ADAMTS3: variants seen among roughly 807,000 people sequenced by gnomAD.
ADAMTS3 encodes A disintegrin and metalloproteinase with thrombospondin motifs 3.
ADAMTS3 carries 73 observed loss-of-function variants against 129.0 expected under a neutral mutation model. The ratio of observed to expected loss-of-function variants is 0.57; its 90% CI spans 0.47 to 0.69. The LOEUF (loss-of-function observed/expected upper bound fraction) is 0.69. Among genes scored for constraint, ADAMTS3 ranks in the 30% least tolerant of loss-of-function variants. The probability of loss-of-function intolerance (pLI) is 0.00; values close to 1 mark genes in which losing one functional copy is unlikely to be tolerated. For synonymous variants in ADAMTS3, 477 were observed against 510.8 expected (o/e 0.93, Z 0.89); for missense variants, 1,457 against 1,514.5 (o/e 0.96, Z 0.63).
In ADAMTS3 at chr4:72,531,062, G is replaced by C. The variant is rs552573325; in HGVS notation, c.504+17416C>G. Among the ~76,000 whole-genome samples the C allele has an allele frequency of 4.8e-3, 725 of 151,502 alleles. 1 individual carries two copies. Among genetic ancestry groups the C allele is most frequent in the Non-Finnish European group, 7.9e-3 (536 of 67,930 alleles). On this transcript the variant is annotated intron_variant, in intron 3 of 21. Transcript: ENST00000286657. ...CCAATGCAGCTTCTATGTGAAGAAG[G>C]GGGCAATAATTGGCCGAAAACACCA...
intron 21 of ADAMTS3, 45 bp from the exon 22 acceptor site, chr4:72,283,749 TAA>T (rs1176485508): frequency 6.9e-7 from 1 of 1,454,352 alleles, no homozygotes; most frequent in South Asian, 1.5e-5. Context: ...CATCTAAACA[TAA>T]AATAAAAGGA....
In ADAMTS3 at chr4:72,455,495, G is replaced by A. The variant is rs183084125; in HGVS notation, c.505-40524C>T. Among the ~76,000 whole-genome samples the A allele has an allele frequency of 6.9e-4, 104 of 151,178 alleles. 2 individuals carry two copies. The East Asian group carries it at 0.011, about 16-fold the overall frequency. ...ATTGGGGGTGGGGAACTATGGGAGC[G>A]ATAGCATTAGGAGAAATACCTAATG... On this transcript the variant is annotated intron_variant, in intron 3 of 21. Transcript: ENST00000286657.
At chr4:72,285,070 TAC>T (rs1718467724) in intron 21 of ADAMTS3, among the ~76,000 whole-genome samples, 7 of 152,196 alleles carry the variant, frequency 4.6e-5, no homozygotes, top group Admixed American at 3.9e-4. Context: ...GGTAATACTA[TAC>T]TGCTAAGAAA....
At chr4:72,289,698 G>T (rs1279181185) in intron 20 of ADAMTS3, among the ~76,000 whole-genome samples, 6 of 152,134 alleles carry the variant, frequency 3.9e-5, no homozygotes, top group Non-Finnish European at 7.4e-5. Flanking sequence ...TATGGGCATG[G>T]GTTAATGCTA....
chr4:72,290,940 T>C lies in ADAMTS3; in HGVS notation c.2846A>G (p.Tyr949Cys). The part of the protein sequence containing the change: ...DGTNRSVHSK[Y>C]CMGDRPESRR... ...GCTCTCGGGACGGTCACCCATGCAG[T>C]ATTTGCTGTGCACAGAGCGGTTGGT... is the stretch of plus-strand genomic sequence containing the variant. Residue 949 changes from tyrosine to cysteine, a missense_variant, in exon 20 of 22, where the codon TAC (tyrosine) becomes TGC (cysteine). Physicochemically the swap from Tyr to Cys is radical, Grantham distance 194. Coordinates refer to ENST00000286657, the MANE Select transcript of ADAMTS3 (RefSeq NM_014243.3). 6.2e-7 allele frequency: 1 copy of C among 1,614,048 alleles called. No homozygotes were observed. Among genetic ancestry groups the C allele is most frequent in the Non-Finnish European group, 8.5e-7 (1 of 1,179,978 alleles).
At chr4:72,369,078 G>A (rs61695748) in intron 4 of ADAMTS3, among the ~76,000 whole-genome samples, 3,753 of 152,252 alleles carry the variant, frequency 0.025, 157 homozygotes, top group African/African-American at 0.086. Flanking sequence ...CACACAGATT[G>A]CAAAGAATAG....
chr4:72,346,703 T>C (rs2109839334), intron 4 of ADAMTS3, among the ~76,000 whole-genome samples: 1 of 152,208 alleles, frequency 6.6e-6, no homozygotes, highest in East Asian at 1.9e-4. Flanking sequence ...GAGACATATT[T>C]AATACTAAAA....
At position 72,466,399 on chromosome 4, in the gene ADAMTS3, C is replaced by T. The variant is rs559656766; in HGVS notation, c.505-51428G>A. Among the ~76,000 whole-genome samples, 6 of 152,160 alleles carry T rather than the reference C, an allele frequency of 3.9e-5. No homozygotes were observed. In the South Asian group the frequency reaches 8.3e-4, roughly 21 times the overall value. ...ATAGTTCTGAGCAGAAAATGACAAT[C>T]TAACTGCTGTTTGGAGAAAAGACAC... On this transcript the variant is annotated intron_variant, in intron 3 of 21. Transcript: ENST00000286657.
At chr4:72,525,901 T>C (rs1160082982) in intron 3 of ADAMTS3, among the ~76,000 whole-genome samples, 1 of 152,150 alleles carries the variant, frequency 6.6e-6, no homozygotes, top group African/African-American at 2.4e-5. Context: ...AGGGTTATGA[T>C]CCTCTTAAAT....
chr4:72,318,656 T>G lies in ADAMTS3; in HGVS notation c.1401A>C (p.Lys467Asn). 6.2e-7 allele frequency: 1 copy of G among 1,613,590 alleles called. No individual in the cohort carries two copies. The highest frequency in any genetic ancestry group is 1.3e-5 in the African/African-American group (1 of 74,972). Residue 467 changes from lysine (K) to asparagine (N), a missense_variant, in exon 10 of 22, where the codon AAA becomes AAC. By Grantham distance (94) the Lys-to-Asn change is moderately conservative. Coordinates refer to ENST00000286657, the MANE Select transcript of ADAMTS3 (RefSeq NM_014243.3). ...LDDPFDHDWP[K>N]LPELPGINYS... Reference sequence around the variant, plus strand: ...AATTGATTCCAGGAAGTTCTGGGAGTTTAGGCCAATCATGATCAAAAGGGT... The same window carrying G: ...AATTGATTCCAGGAAGTTCTGGGAGGTTAGGCCAATCATGATCAAAAGGGT...
intron 3 of ADAMTS3, among the ~76,000 whole-genome samples, chr4:72,486,240 C>T (rs975464872): frequency 6.6e-6 from 1 of 152,144 alleles, no homozygotes; most frequent in Non-Finnish European, 1.5e-5. Context: ...CCCAACTTAA[C>T]AAAGTTTCTA....
chr4:72,348,492 A>G (rs1188738882), intron 4 of ADAMTS3, among the ~76,000 whole-genome samples: 3 of 152,100 alleles, frequency 2.0e-5, no homozygotes, highest in Non-Finnish European at 4.4e-5. Flanking sequence ...TCAGGAATGC[A>G]GCAAGCCGAC....
chr4:72,458,667 T>C (rs993050429), intron 3 of ADAMTS3, among the ~76,000 whole-genome samples: 8 of 151,546 alleles, frequency 5.3e-5, no homozygotes, highest in Non-Finnish European at 1.0e-4. Context: ...CACAGTGACA[T>C]AATTTTTCAC....
At chr4:72,551,964 C>T (rs755883775) in intron 2 of ADAMTS3, among the ~76,000 whole-genome samples, 10 of 152,142 alleles carry the variant, frequency 6.6e-5, no homozygotes, top group Non-Finnish European at 1.3e-4. Context: ...AGTGTAGCAT[C>T]AGAAATTTCT....
intron 4 of ADAMTS3, among the ~76,000 whole-genome samples, chr4:72,392,061 C>T (rs1194382701): frequency 1.3e-5 from 2 of 152,134 alleles, no homozygotes; most frequent in African/African-American, 2.4e-5. Context: ...AAAGATGTTT[C>T]GAGGATCTTA....
intron 4 of ADAMTS3, among the ~76,000 whole-genome samples, chr4:72,345,799 A>C (rs1186621191): frequency 6.6e-6 from 1 of 152,156 alleles, no homozygotes; most frequent in East Asian, 1.9e-4. Flanking sequence ...TTAAGGAAAA[A>C]AATGTTTTAA....
chr4:72,407,014 A>G (rs969974458), intron 4 of ADAMTS3, among the ~76,000 whole-genome samples: 1 of 152,118 alleles, frequency 6.6e-6, no homozygotes, highest in African/African-American at 2.4e-5. Context: ...TGATTTTTCA[A>G]ATGTTGGGTC....
At chr4:72,285,714 G>T (rs1718486888) in intron 21 of ADAMTS3, among the ~76,000 whole-genome samples, 1 of 140,530 alleles carries the variant, frequency 7.1e-6, no homozygotes, top group Non-Finnish European at 1.5e-5. Flanking sequence ...AAGAGCAAAG[G>T]AATACATTAA....
intron 3 of ADAMTS3, among the ~76,000 whole-genome samples, chr4:72,517,993 T>C (rs1035175163): frequency 1.1e-4 from 16 of 152,036 alleles, no homozygotes; most frequent in African/African-American, 3.9e-4. Context: ...AATTTCCCTC[T>C]ACACACTGCT....
Sources: allele counts gnomAD v4.1 joint callset (sites outside exome capture counted in the v4.1 genomes callset), GRCh38; gene constraint gnomAD v4.1.1; transcripts MANE v1.5; gene names NCBI Gene and HGNC (gene_info 2026-07-23, HGNC 2026-07-21).